TMEM161B: variants seen among roughly 807,000 people sequenced by gnomAD.
TMEM161B encodes the protein transmembrane protein 161B.
TMEM161B carries 34 observed loss-of-function variants against 61.8 expected under a neutral mutation model. That is an observed-to-expected ratio of 0.55 (90% CI 0.42 to 0.73). TMEM161B has a LOEUF of 0.73. Ranked by LOEUF, TMEM161B falls within the 30% of genes least tolerant of loss-of-function variation. The pLI, the probability that TMEM161B is intolerant of heterozygous loss-of-function variation, is 0.00. For synonymous variants in TMEM161B, 167 were observed against 192.8 expected (o/e 0.87, Z 1.11); for missense variants, 456 against 558.5 (o/e 0.82, Z 1.85).
At chr5:88,227,151 C>A (rs1750195664) in intron 3 of TMEM161B, among the ~76,000 whole-genome samples, 1 of 152,140 alleles carries the variant, frequency 6.6e-6, no homozygotes, top group South Asian at 2.1e-4. Flanking sequence ...AATTGTGCCA[C>A]TGCACTTCGG....
intron 1 of TMEM161B, among the ~76,000 whole-genome samples, chr5:88,244,651 A>T (rs1290680992): frequency 9.3e-6 from 1 of 107,314 alleles, no homozygotes; most frequent in Non-Finnish European, 1.9e-5. Context: ...TATGAATTTT[A>T]AAATAGTTTT....
chr5:88,188,460 AC>A (rs929871076), downstream of TMEM161B, among the ~76,000 whole-genome samples: 6 of 152,126 alleles, frequency 3.9e-5, no homozygotes, highest in Admixed American at 3.3e-4. Context: ...GATCAGAAAA[AC>A]ATTACAAATA....
At chr5:88,246,736 A>C (rs1753668387) in intron 1 of TMEM161B, among the ~76,000 whole-genome samples, 1 of 152,072 alleles carries the variant, frequency 6.6e-6, no homozygotes, top group African/African-American at 2.4e-5. Flanking sequence ...CATAATTTTT[A>C]ATTAAAGGAG....
At chr5:88,224,677 T>C (rs1264378433) in intron 4 of TMEM161B, among the ~76,000 whole-genome samples, 2 of 152,200 alleles carry the variant, frequency 1.3e-5, no homozygotes, top group Non-Finnish European at 2.9e-5. Context: ...GAAATGCAGT[T>C]GATCCTTGAA....
At position 88,202,998 on chromosome 5, in the gene TMEM161B, A is replaced by G; in HGVS notation, c.878T>C (p.Ile293Thr). ...LWVKPITKDY[I>T]MNPPLGKESI... ...TTCTTTGCCCAGTGGTGGGTTCATA[A>G]TGTAGTCTTTGGTGATTGGTTTTAC... Residue 293 changes from isoleucine to threonine, a missense_variant, in exon 9 of 12, where the codon ATT (isoleucine) becomes ACT (threonine). Transcript: ENST00000296595. 1 of 1,612,034 alleles carries G rather than the reference A, an allele frequency of 6.2e-7. No homozygotes were observed. Among genetic ancestry groups the G allele is most frequent in the East Asian group, 2.2e-5 (1 of 44,794 alleles).
downstream of TMEM161B, among the ~76,000 whole-genome samples, chr5:88,192,572 G>T (rs1376494721): frequency 2.0e-5 from 3 of 152,154 alleles, no homozygotes; most frequent in Admixed American, 6.5e-5. Context: ...TAAACCCAAG[G>T]TATGAACATA....
At position 88,232,265 on chromosome 5, in the gene TMEM161B, A is replaced by C. The variant is rs776903937; in HGVS notation, c.108-3737T>G. On this transcript the variant is annotated intron_variant, in intron 2 of 11. Coordinates refer to ENST00000296595, the MANE Select transcript of TMEM161B (RefSeq NM_153354.5). ...GGAACATGCATGTATGGACCACTCA[A>C]ATTTTTCGTCCCTGTCTATGTCCAT... 2.6e-5 allele frequency among the ~76,000 whole-genome samples: 4 copies of C among 152,184 alleles called. 1 individual carries two copies. In the South Asian group the frequency reaches 6.2e-4, roughly 24 times the overall value.
chr5:88,205,379 C>A (rs1490675944), intron 8 of TMEM161B, among the ~76,000 whole-genome samples: 4 of 152,120 alleles, frequency 2.6e-5, no homozygotes, highest in African/African-American at 4.8e-5. Flanking sequence ...CTCTTACATA[C>A]AACTTTAAGT....
rs1301833567 is a variant in TMEM161B at position 88,195,516 on chromosome 5, C to A, written c.*695G>T. Reference sequence around the variant, plus strand: ...AAAACAAAATATGGCAGGTCCAAACCTAATGGCAAGATTACAAATGTTCAT... The same window carrying A: ...AAAACAAAATATGGCAGGTCCAAACATAATGGCAAGATTACAAATGTTCAT... On this transcript the variant is annotated 3_prime_UTR_variant, in exon 12 of 12. Coordinates refer to ENST00000296595, the MANE Select transcript of TMEM161B (RefSeq NM_153354.5). 1.0e-6 allele frequency: 1 copy of A among 984,936 alleles called. No homozygotes were observed. Among genetic ancestry groups the A allele is most frequent in the Non-Finnish European group, 1.2e-6 (1 of 829,616 alleles). 61.0% of individuals were successfully genotyped at this position (984,936 alleles called of 1,614,324 possible).
At chr5:88,266,254 A>C (rs1031891467) in intron 1 of TMEM161B, among the ~76,000 whole-genome samples, 2 of 152,242 alleles carry the variant, frequency 1.3e-5, no homozygotes, top group African/African-American at 4.8e-5. Context: ...TTAAATCAAA[A>C]CATTCCAAGA....
At chr5:88,236,790 C>T (rs779003447) in intron 2 of TMEM161B, among the ~76,000 whole-genome samples, 5 of 152,102 alleles carry the variant, frequency 3.3e-5, no homozygotes, top group Non-Finnish European at 7.4e-5. Flanking sequence ...TCCATAAGAA[C>T]ATAGCAAGTG....
At chr5:88,251,273 C>A (rs567112425) in intron 1 of TMEM161B, among the ~76,000 whole-genome samples, 258 of 152,106 alleles carry the variant, frequency 1.7e-3, no homozygotes, top group African/African-American at 5.8e-3. Flanking sequence ...CTCAAAAAAA[C>A]CAATCTTAGG....
chr5:88,206,461 C>T lies in TMEM161B; in HGVS notation c.637G>A (p.Glu213Lys). ...NFSDSAMQFL[E>K]KQGLESQSPV... ...TACTGAGATTCTAAACCTTGCTTTT[C>T]AAGAAACTGCATCGCACTGTCTGAA... The change falls in exon 7 of 12, where the codon GAA becomes AAA. Residue 213 changes from glutamate to lysine, a missense_variant. Glu to Lys is a moderately conservative substitution (Grantham distance 56). Around this residue, in one of 3 missense-constraint regions of TMEM161B, gnomAD observed 367 missense variants for 427.3 expected, o/e 0.86. Coordinates refer to ENST00000296595, the MANE Select transcript of TMEM161B (RefSeq NM_153354.5). 6.3e-7 allele frequency: 1 copy of T among 1,592,054 alleles called. No homozygotes were observed. Among genetic ancestry groups the T allele is most frequent in the Non-Finnish European group, 8.6e-7 (1 of 1,168,554 alleles).
chr5:88,189,441 A>T (rs1748571810), downstream of TMEM161B, among the ~76,000 whole-genome samples: 1 of 152,114 alleles, frequency 6.6e-6, no homozygotes. Context: ...CAGGTGCTGC[A>T]GGTTTTACAT....
intron 4 of TMEM161B, among the ~76,000 whole-genome samples, chr5:88,224,498 A>G (rs1453557412): frequency 6.6e-6 from 1 of 152,204 alleles, no homozygotes; most frequent in Non-Finnish European, 1.5e-5. Context: ...CATTTCTATA[A>G]TATATAGGAG....
chr5:88,216,682 T>C (rs2112494614), intron 5 of TMEM161B, among the ~76,000 whole-genome samples: 1 of 152,350 alleles, frequency 6.6e-6, no homozygotes, highest in Non-Finnish European at 1.5e-5. Context: ...TGTCAAATTA[T>C]ATCATAGATT....
chr5:88,256,238 G>C (rs552627842), intron 1 of TMEM161B, among the ~76,000 whole-genome samples: 6 of 152,216 alleles, frequency 3.9e-5, no homozygotes, highest in Admixed American at 3.9e-4. Flanking sequence ...CTCATATAAA[G>C]CAATGCCATA....
rs1254953192 is a variant in TMEM161B at position 88,199,068 on chromosome 5, G to A, written c.997C>T (p.His333Tyr). 4 of 1,613,070 alleles carry A rather than the reference G, an allele frequency of 2.5e-6. No homozygotes were observed. The Admixed American group carries it at 6.7e-5, about 27-fold the overall frequency. The stretch of plus-strand genomic sequence containing the variant: ...GCTAAATTTAAATAAGCTTGCAGGT[G>A]ACTACGCATCATGGCCAACCGCAAA... Reference protein sequence around the residue: ...CALRLAMMRSHLQAYLNLAQK... With the variant: ...CALRLAMMRSYLQAYLNLAQK... The change falls in exon 10 of 12, where the codon CAC (histidine) becomes TAC (tyrosine). Residue 333 changes from histidine to tyrosine, a missense_variant. Physicochemically the swap from His to Tyr is moderately conservative, Grantham distance 83. Coordinates refer to ENST00000296595, the MANE Select transcript of TMEM161B (RefSeq NM_153354.5).
intron 5 of TMEM161B, among the ~76,000 whole-genome samples, chr5:88,212,769 C>CAACG (rs1391074576): frequency 1.3e-5 from 2 of 152,174 alleles, no homozygotes; most frequent in African/African-American, 4.8e-5. Context: ...GCTGAGGCTG[C>CAACG]AACGAGTCAA....
Sources: gnomAD v4.1 joint callset for allele counts (sites outside exome capture counted in the v4.1 genomes callset) on GRCh38, gnomAD v4.1.1 for gene constraint, gnomAD v4.1.1 regional missense constraint, MANE v1.5 for transcripts, NCBI Gene and HGNC (gene_info 2026-07-23, HGNC 2026-07-21) for gene names.